Variants in AUTS2 observed in about 807,000 individuals in gnomAD.
AUTS2 encodes autism susceptibility gene 2 protein.
Under a neutral mutation model 112.4 loss-of-function variants are expected in AUTS2, and 17 were observed. That is an observed-to-expected ratio of 0.15 (90% CI 0.10 to 0.23). AUTS2 has a LOEUF of 0.23. Among genes scored for constraint, AUTS2 ranks in the 10% least tolerant of loss-of-function variants. AUTS2 has a pLI of 1.00. For missense variants in AUTS2, 1,510 were observed against 1,701.6 expected, an observed-to-expected ratio of 0.89 and a Z score of 1.98; for synonymous variants, 751 against 702.7, an observed-to-expected ratio of 1.07 and a Z score of -1.09.
At position 70,694,871 on chromosome 7, in the gene AUTS2, G is replaced by A. The variant is rs1282478295; in HGVS notation, c.691-3698G>A. 6.6e-6 allele frequency: 1 copy of A among 152,094 alleles called. No homozygotes were observed. Among genetic ancestry groups the A allele is most frequent in the Non-Finnish European group, 1.5e-5 (1 of 68,054 alleles). The allele number at this position is 152,094 out of a possible 1,614,324, so 9.4% of individuals were successfully genotyped here. A position where few individuals can be genotyped will look rare whatever the true frequency, so the allele number is the denominator to read the frequency against. ...GGCGCCTCCGCTCTCGGACTTTGGC[G>A]AGGAAGGAGCCCAGAGACTCTTGTG... On this transcript the variant is annotated intron_variant, in intron 5 of 18. Coordinates refer to ENST00000342771, the MANE Select transcript of AUTS2 (RefSeq NM_015570.4). The surrounding 1 kb of genome is among the most constrained non-coding windows in gnomAD (Gnocchi z 4.1).
chr7:70,411,903 T>C (rs1225168131), intron 4 of AUTS2, among the ~76,000 whole-genome samples: 1 of 150,626 alleles, frequency 6.6e-6, no homozygotes, highest in Non-Finnish European at 1.5e-5. Context: ...ACTCTTTCCT[T>C]TTTTTTTTCC....
intron 6 of AUTS2, among the ~76,000 whole-genome samples, chr7:70,727,451 G>T (rs1787106542): frequency 6.6e-6 from 1 of 152,202 alleles, no homozygotes; most frequent in Admixed American, 6.5e-5. Flanking sequence ...CTGGGTTCAA[G>T]TGATTCTCCT....
chr7:70,425,603 G>C (rs951937912), intron 4 of AUTS2, among the ~76,000 whole-genome samples: 1 of 152,210 alleles, frequency 6.6e-6, no homozygotes, highest in East Asian at 1.9e-4. Context: ...ATCTTTGAGG[G>C]TCCTCAAGAA....
chr7:70,132,731 A>T (rs951137849), intron 3 of AUTS2, among the ~76,000 whole-genome samples: 3 of 152,116 alleles, frequency 2.0e-5, no homozygotes, highest in Admixed American at 6.6e-5. Flanking sequence ...TGAAGGATGT[A>T]ATTTTCTTTG....
intron 4 of AUTS2, among the ~76,000 whole-genome samples, chr7:70,274,018 G>T (rs775454677): frequency 6.6e-6 from 1 of 152,040 alleles, no homozygotes; most frequent in African/African-American, 2.4e-5. Flanking sequence ...ATGAATAATA[G>T]TAGGGCATCT....
intron 5 of AUTS2, among the ~76,000 whole-genome samples, chr7:70,438,538 G>A (rs1795989711): frequency 6.6e-6 from 1 of 152,160 alleles, no homozygotes; most frequent in Admixed American, 6.5e-5. Flanking sequence ...CCCAACAGGA[G>A]CCATTGAGAC....
intron 4 of AUTS2, among the ~76,000 whole-genome samples, chr7:70,167,682 T>C (rs1181589829): frequency 6.6e-6 from 1 of 152,164 alleles, no homozygotes; most frequent in African/African-American, 2.4e-5. Context: ...TTTCAATAAG[T>C]GTAAAAGCAT....
chr7:70,591,474 C>T (rs1802942985), intron 5 of AUTS2, among the ~76,000 whole-genome samples: 1 of 152,174 alleles, frequency 6.6e-6, no homozygotes, highest in African/African-American at 2.4e-5. Context: ...TCTCAGCTCA[C>T]CGCAACCTCC....
At chr7:69,712,763 G>A (rs1200989690) in intron 1 of AUTS2, among the ~76,000 whole-genome samples, 1 of 152,096 alleles carries the variant, frequency 6.6e-6, no homozygotes, top group Non-Finnish European at 1.5e-5. Flanking sequence ...GGGTAAATGG[G>A]CAGGTGTATG....
At chr7:70,775,998 A>G (rs1024148414) in intron 13 of AUTS2, among the ~76,000 whole-genome samples, 3 of 152,204 alleles carry the variant, frequency 2.0e-5, no homozygotes, top group Admixed American at 2.0e-4. Flanking sequence ...CTTGCTATGC[A>G]TAACTCATTT....
intron 5 of AUTS2, among the ~76,000 whole-genome samples, chr7:70,639,198 T>G (rs1805679842): frequency 1.3e-5 from 2 of 152,210 alleles, no homozygotes; most frequent in Non-Finnish European, 2.9e-5. Context: ...GTCTGGTTTC[T>G]TTTATAGCCT....
chr7:69,961,854 T>C (rs967394589), intron 2 of AUTS2, among the ~76,000 whole-genome samples: 1 of 152,124 alleles, frequency 6.6e-6, no homozygotes, highest in African/African-American at 2.4e-5. Context: ...TTGAGGGCTT[T>C]TTGGAAAGCT....
intron 2 of AUTS2, among the ~76,000 whole-genome samples, chr7:70,096,264 A>G (rs1804192258): frequency 6.6e-6 from 1 of 152,150 alleles, no homozygotes; most frequent in African/African-American, 2.4e-5. Flanking sequence ...CATCACATGT[A>G]CCCTGAAACT....
chr7:69,623,400 T>TTTG (rs1373537262), intron 1 of AUTS2, among the ~76,000 whole-genome samples: 2 of 146,162 alleles, frequency 1.4e-5, no homozygotes. Context: ...TTTTTTTTTT[T>TTTG]TTTTTTGCAG....
chr7:70,743,076 A>T (rs181519105), intron 6 of AUTS2, among the ~76,000 whole-genome samples: 80 of 152,266 alleles, frequency 5.3e-4, no homozygotes, highest in African/African-American at 1.7e-3. Context: ...GGAAATCTAA[A>T]CTCATATTAT....
intron 2 of AUTS2, among the ~76,000 whole-genome samples, chr7:70,109,438 A>G (rs1402361573): frequency 6.6e-6 from 1 of 152,192 alleles, no homozygotes. Context: ...CAATCTGTTC[A>G]TTCTGGCCTT....
intron 5 of AUTS2, among the ~76,000 whole-genome samples, chr7:70,571,739 G>A (rs1037414059): frequency 6.6e-6 from 1 of 152,200 alleles, no homozygotes; most frequent in Non-Finnish European, 1.5e-5. Context: ...GCTGCCATGA[G>A]GTGTGCAAGG....
At chr7:70,280,718 C>T (rs1228765983) in intron 4 of AUTS2, among the ~76,000 whole-genome samples, 3 of 152,038 alleles carry the variant, frequency 2.0e-5, no homozygotes, top group Admixed American at 1.3e-4. Context: ...ACACTCCGTC[C>T]CCAACCCCGA....
At chr7:70,306,404 G>A (rs144467588) in intron 4 of AUTS2, among the ~76,000 whole-genome samples, 70 of 152,286 alleles carry the variant, frequency 4.6e-4, no homozygotes, top group African/African-American at 1.5e-3. Context: ...ACTTTTTCCC[G>A]CTGCTCTGTC....
Sources: gnomAD v4.1 joint callset for allele counts (sites outside exome capture counted in the v4.1 genomes callset) on GRCh38, gnomAD v4.1.1 for gene constraint, Gnocchi (gnomAD v3.1) non-coding constraint, MANE v1.5 for transcripts, NCBI Gene and HGNC (gene_info 2026-07-23, HGNC 2026-07-21) for gene names.